The following UNC79 variants were observed in gnomAD, a reference collection of about 807,000 sequenced individuals.
UNC79 encodes unc-79 subunit of NALCN channel complex.
A neutral mutation model predicts 283.1 loss-of-function variants in UNC79; 37 were observed. That is an observed-to-expected ratio of 0.13 (90% CI 0.10 to 0.17). UNC79 has a LOEUF of 0.17. Among genes scored for constraint, UNC79 ranks in the 10% least tolerant of loss-of-function variants. The probability of loss-of-function intolerance (pLI) is 1.00; values close to 1 mark genes in which losing one functional copy is unlikely to be tolerated. For synonymous variants in UNC79, 1,107 were observed against 1,200.2 expected, an observed-to-expected ratio of 0.92 and a Z score of 1.61; for missense variants, 2,272 against 3,211.1, an observed-to-expected ratio of 0.71 and a Z score of 7.07.
chr14:93,521,999 G>A (rs2060345024), intron 7 of UNC79, among the ~76,000 whole-genome samples: 1 of 151,508 alleles, frequency 6.6e-6, no homozygotes, highest in African/African-American at 2.4e-5. Context: ...CACTGTTTTA[G>A]TAAGTTTAAA....
chr14:93,579,568 C>T (rs191437813), intron 18 of UNC79, among the ~76,000 whole-genome samples: 1 of 152,306 alleles, frequency 6.6e-6, no homozygotes, highest in East Asian at 1.9e-4. Context: ...TAATCTGTTA[C>T]TATGATTCTG....
chr14:93,376,795 T>G (rs562157018), intron 1 of UNC79, among the ~76,000 whole-genome samples: 1 of 151,542 alleles, frequency 6.6e-6, no homozygotes, highest in South Asian at 2.1e-4. Context: ...AGGTTGGAAT[T>G]CAGTTTGTTT....
At chr14:93,369,886 C>A (rs2139962329) in intron 1 of UNC79, among the ~76,000 whole-genome samples, 1 of 152,292 alleles carries the variant, frequency 6.6e-6, no homozygotes, top group South Asian at 2.1e-4. Context: ...CAGGAAGTAA[C>A]CAGCTCCAGT....
chr14:93,375,020 G>A lies in UNC79; in HGVS notation c.-351+41497G>A, dbSNP rs184183450. Among the ~76,000 whole-genome samples, 6 of 152,294 alleles carry A rather than the reference G, an allele frequency of 3.9e-5. No homozygotes were observed. In the East Asian group the frequency reaches 1.2e-3, roughly 29 times the overall value. ...AGTTTTGGGGGGTCAGGGGTGGAAT[G>A]CTATGACTTAGATATTTTTTCCCTC... On this transcript the variant is annotated intron_variant, in intron 1 of 49. Coordinates refer to the UNC79 transcript ENST00000256339.
intron 1 of UNC79, among the ~76,000 whole-genome samples, chr14:93,344,415 A>G (rs1008051748): frequency 6.6e-6 from 1 of 152,242 alleles, no homozygotes; most frequent in Non-Finnish European, 1.5e-5. Context: ...AGGAGAGGAA[A>G]GTGTCCTAAC....
intron 24 of UNC79, among the ~76,000 whole-genome samples, chr14:93,598,365 CGTGTGTGTGT>C (rs71301930): frequency 2.4e-3 from 154 of 64,086 alleles, no homozygotes; most frequent in South Asian, 9.0e-3. Flanking sequence ...TATTGCATAA[CGTGTGTGTGT>C]GTGTGTGTGT....
intron 1 of UNC79, among the ~76,000 whole-genome samples, chr14:93,391,929 T>C (rs2054891741): frequency 6.6e-6 from 1 of 152,220 alleles, no homozygotes; most frequent in South Asian, 2.1e-4. Flanking sequence ...GAATGGCTTA[T>C]ATTAAAGAGA....
At chr14:93,493,508 G>C (rs77101531) in intron 5 of UNC79, among the ~76,000 whole-genome samples, 1 of 152,174 alleles carries the variant, frequency 6.6e-6, no homozygotes, top group South Asian at 2.1e-4. Context: ...TTGCATTTGC[G>C]TAAGCACTTC....
chr14:93,412,105 G>T (rs528229000), intron 1 of UNC79, among the ~76,000 whole-genome samples: 1 of 152,244 alleles, frequency 6.6e-6, no homozygotes, highest in Non-Finnish European at 1.5e-5. Context: ...GAAATAAAAA[G>T]AAGCAGAAAT....
chr14:93,553,558 G>A (rs2062005068), intron 14 of UNC79, among the ~76,000 whole-genome samples: 1 of 152,108 alleles, frequency 6.6e-6, no homozygotes, highest in Non-Finnish European at 1.5e-5. Flanking sequence ...TGGATGACAA[G>A]AGTCTTAGGA....
rs1309646468 is a variant in UNC79 at position 93,646,664 on chromosome 14, G to A, written c.6083+18G>A. 2 of 1,613,238 alleles carry A rather than the reference G, an allele frequency of 1.2e-6. No individual in the cohort carries two copies. Among genetic ancestry groups the A allele is most frequent in the Non-Finnish European group, 1.7e-6 (2 of 1,179,544 alleles). ...GCAGAAAGGTAAGGTCCTAACGGGAGCCCAGATCTCACTTTCTTTTCTCCT... is the reference window on the plus strand; with the variant it reads ...GCAGAAAGGTAAGGTCCTAACGGGAACCCAGATCTCACTTTCTTTTCTCCT... On this transcript the variant is annotated intron_variant, in intron 35 of 48. Coordinates refer to ENST00000555664, the Ensembl canonical transcript of UNC79.
chr14:93,525,009 G>A (rs1218616228), intron 8 of UNC79, among the ~76,000 whole-genome samples: 1 of 152,210 alleles, frequency 6.6e-6, no homozygotes, highest in Non-Finnish European at 1.5e-5. Context: ...AACCAAAAAT[G>A]TGTTTCATGA....
At chr14:93,685,278 C>T (rs1248899225) in intron 42 of UNC79, among the ~76,000 whole-genome samples, 1 of 152,144 alleles carries the variant, frequency 6.6e-6, no homozygotes, top group Non-Finnish European at 1.5e-5. Flanking sequence ...AAATCCCTTT[C>T]AAGAAATTCA....
At chr14:93,529,244 A>G (rs2060686536) in intron 9 of UNC79, 42 bp from the exon 10 acceptor site, 2 of 1,609,494 alleles carry the variant, frequency 1.2e-6, no homozygotes, top group African/African-American at 2.7e-5. Context: ...GAAGGAGAAC[A>G]TTTCAATGAA....
intron 7 of UNC79, among the ~76,000 whole-genome samples, chr14:93,501,192 G>A (rs1211788955): frequency 6.6e-6 from 1 of 152,100 alleles, no homozygotes; most frequent in Non-Finnish European, 1.5e-5. Context: ...AGGCATGGTG[G>A]TGCACGCCTG....
intron 1 of UNC79, among the ~76,000 whole-genome samples, chr14:93,379,370 T>A (rs554868856): frequency 6.6e-6 from 1 of 152,162 alleles, no homozygotes; most frequent in Admixed American, 6.5e-5. Context: ...TTAAGCAGGA[T>A]TTGGTAAATA....
At chr14:93,390,074 C>T (rs116736865) in intron 1 of UNC79, among the ~76,000 whole-genome samples, 166 of 152,318 alleles carry the variant, frequency 1.1e-3, no homozygotes, top group African/African-American at 3.8e-3. Context: ...GAACAAAATA[C>T]TGGCAAACTT....
intron 7 of UNC79, among the ~76,000 whole-genome samples, chr14:93,502,940 T>A (rs1430989773): frequency 1.3e-5 from 2 of 152,238 alleles, no homozygotes; most frequent in African/African-American, 4.8e-5. Context: ...CACATTGAGT[T>A]CTTAGTTATC....
At chr14:93,362,600 G>A (rs759448358) in intron 1 of UNC79, among the ~76,000 whole-genome samples, 19 of 152,046 alleles carry the variant, frequency 1.2e-4, no homozygotes, top group Non-Finnish European at 1.2e-4. Context: ...CTCCTGCCTC[G>A]GCCTCCCAAA....
Sources: gnomAD v4.1 joint callset for allele counts (sites outside exome capture counted in the v4.1 genomes callset) on GRCh38, gnomAD v4.1.1 for gene constraint, MANE v1.5 for transcripts, NCBI Gene and HGNC (gene_info 2026-07-23, HGNC 2026-07-21) for gene names.